Variants in ADARB2 observed in about 807,000 individuals in gnomAD.
ADARB2 encodes the protein adenosine deaminase RNA specific B2 (inactive).
A neutral mutation model predicts 62.2 loss-of-function variants in ADARB2; 25 were observed. The observed-to-expected ratio is 0.40, with a 90% CI of 0.29 to 0.56. ADARB2 has a LOEUF of 0.56. ADARB2 is among the 20% of genes least tolerant of loss of function. The pLI, the probability that ADARB2 is intolerant of heterozygous loss-of-function variation, is 0.43. For missense variants in ADARB2, 1,071 were observed against 1,077.4 expected (o/e 0.99, Z 0.08); for synonymous variants, 572 against 500.8 (o/e 1.14, Z -1.90).
intron 6 of ADARB2, among the ~76,000 whole-genome samples, chr10:1,227,200 C>T (rs1468371542): frequency 2.0e-5 from 3 of 152,250 alleles, no homozygotes; most frequent in African/African-American, 4.8e-5. Context: ...GTAGGACCCT[C>T]CGAGCCAGGT....
chr10:1,265,322 C>G (rs1302494971), intron 4 of ADARB2, among the ~76,000 whole-genome samples: 1 of 152,246 alleles, frequency 6.6e-6, no homozygotes, highest in Non-Finnish European at 1.5e-5. Context: ...TCAACAGCCC[C>G]TTTAAGAATC....
chr10:1,638,000 G>T (rs1399474712), intron 1 of ADARB2, among the ~76,000 whole-genome samples: 1 of 152,230 alleles, frequency 6.6e-6, no homozygotes, highest in East Asian at 1.9e-4. Context: ...AGAAAAGAGA[G>T]GTTTGGGGGA....
At chr10:1,726,460 T>A (rs1835165312) in intron 1 of ADARB2, among the ~76,000 whole-genome samples, 1 of 152,160 alleles carries the variant, frequency 6.6e-6, no homozygotes, top group Non-Finnish European at 1.5e-5. Context: ...ATATCCACAG[T>A]ATTGAGTGGA....
intron 1 of ADARB2, among the ~76,000 whole-genome samples, chr10:1,616,442 G>A (rs973323443): frequency 2.0e-5 from 3 of 151,768 alleles, no homozygotes; most frequent in East Asian, 3.9e-4. Flanking sequence ...GCATTCTGTC[G>A]CTAGATGTTT....
chr10:1,200,228 T>C, intron 7 of ADARB2, 81 bp from the exon 8 acceptor site: 5 of 1,529,550 alleles, frequency 3.3e-6, no homozygotes, highest in Non-Finnish European at 4.4e-6. Context: ...TGCGGCCTGG[T>C]CCTGAGGACC....
intron 4 of ADARB2, among the ~76,000 whole-genome samples, chr10:1,267,448 G>A (rs113758718): frequency 6.6e-6 from 1 of 152,170 alleles, no homozygotes; most frequent in African/African-American, 2.4e-5. Flanking sequence ...TTCCGGAGAT[G>A]GTGTCCCACT....
chr10:1,472,541 G>A (rs897412951), intron 1 of ADARB2, among the ~76,000 whole-genome samples: 7 of 152,218 alleles, frequency 4.6e-5, no homozygotes, highest in African/African-American at 1.7e-4. Flanking sequence ...GGGACTTGGA[G>A]GTATGCTGGG....
intron 1 of ADARB2, among the ~76,000 whole-genome samples, chr10:1,523,446 C>G (rs1032181842): frequency 6.6e-6 from 1 of 152,154 alleles, no homozygotes; most frequent in Non-Finnish European, 1.5e-5. Context: ...GAACAAAGCC[C>G]CTATGCTTGC....
At chr10:1,250,309 G>T (rs951606229) in intron 4 of ADARB2, among the ~76,000 whole-genome samples, 1 of 151,998 alleles carries the variant, frequency 6.6e-6, no homozygotes, top group East Asian at 1.9e-4. Context: ...GGCGGTGTTG[G>T]GGGGTGATGG....
chr10:1,671,791 A>G (rs1459909431), intron 1 of ADARB2, among the ~76,000 whole-genome samples: 1 of 152,100 alleles, frequency 6.6e-6, no homozygotes, highest in Non-Finnish European at 1.5e-5. Flanking sequence ...CATGCAGCGA[A>G]TCTGCCACAG....
At chr10:1,691,986 G>C (rs1834679110) in intron 1 of ADARB2, among the ~76,000 whole-genome samples, 1 of 152,152 alleles carries the variant, frequency 6.6e-6, no homozygotes, top group Admixed American at 6.5e-5. Flanking sequence ...AGTTTCAAAG[G>C]AAAGTGTGTC....
chr10:1,407,337 G>T (rs920944634), intron 1 of ADARB2, among the ~76,000 whole-genome samples: 1 of 152,182 alleles, frequency 6.6e-6, no homozygotes, highest in African/African-American at 2.4e-5. Flanking sequence ...GGGGTCCCGG[G>T]TCCGACGTCT....
chr10:1,344,892 C>G lies in ADARB2; in HGVS notation c.1077+18136G>C, dbSNP rs149117407. On this transcript the variant is annotated intron_variant, in intron 3 of 9. Transcript: ENST00000381312. ...CCACACCCGTGTGCCCGCTGTTTCT[C>G]CATGTGGCCTTCATTGTGTTTCCGA... 2.8e-3 allele frequency among the ~76,000 whole-genome samples: 433 copies of G among 152,320 alleles called. 4 individuals carry two copies. Among genetic ancestry groups the G allele is most frequent in the African/African-American group, 9.7e-3 (403 of 41,576 alleles).
intron 3 of ADARB2, among the ~76,000 whole-genome samples, chr10:1,355,590 T>C (rs541288733): frequency 5.9e-5 from 9 of 152,372 alleles, no homozygotes; most frequent in African/African-American, 2.2e-4. Flanking sequence ...GGCTGTGGAA[T>C]AGAGACAAGT....
At chr10:1,589,367 C>G (rs1383191468) in intron 1 of ADARB2, among the ~76,000 whole-genome samples, 3 of 151,628 alleles carry the variant, frequency 2.0e-5, no homozygotes, top group Non-Finnish European at 2.9e-5. Flanking sequence ...GGTAGGGTGT[C>G]CACTGTTGGG....
intron 1 of ADARB2, among the ~76,000 whole-genome samples, chr10:1,654,438 A>G (rs761291347): frequency 1.3e-5 from 2 of 152,048 alleles, no homozygotes; most frequent in Admixed American, 1.3e-4. Flanking sequence ...AGACCCTCCA[A>G]TATCACCTGC....
At chr10:1,404,637 C>T (rs12773910) in intron 1 of ADARB2, among the ~76,000 whole-genome samples, 1 of 152,088 alleles carries the variant, frequency 6.6e-6, no homozygotes, top group African/African-American at 2.4e-5. Flanking sequence ...TTCAGCAAAA[C>T]CTCTCCTCTC....
At chr10:1,294,625 C>T (rs1223426780) in intron 3 of ADARB2, among the ~76,000 whole-genome samples, 2 of 152,200 alleles carry the variant, frequency 1.3e-5, no homozygotes, top group East Asian at 1.9e-4. Context: ...CCCCATCCAG[C>T]GATGGTAACC....
At chr10:1,396,741 C>G (rs1380447393) in intron 1 of ADARB2, among the ~76,000 whole-genome samples, 2 of 115,178 alleles carry the variant, frequency 1.7e-5, no homozygotes, top group African/African-American at 7.2e-5. Flanking sequence ...GTCCTCCTCT[C>G]CCCTCCCGAG....
Sources: gnomAD v4.1 joint callset for allele counts (sites outside exome capture counted in the v4.1 genomes callset) on GRCh38, gnomAD v4.1.1 for gene constraint, MANE v1.5 for transcripts, NCBI Gene and HGNC (gene_info 2026-07-23, HGNC 2026-07-21) for gene names.